MAF: variants seen among roughly 807,000 people sequenced by gnomAD.
MAF encodes the protein MAF bZIP transcription factor.
Under a neutral mutation model 22.0 loss-of-function variants are expected in MAF, and 10 were observed. The ratio of observed to expected loss-of-function variants is 0.45; its 90% CI spans 0.28 to 0.77. The LOEUF is 0.77. Among genes scored for constraint, MAF ranks in the 30% least tolerant of loss-of-function variants. The pLI is 0.12. For missense variants in MAF, 544 were observed against 548.4 expected (o/e 0.99, Z 0.08); for synonymous variants, 337 against 255.8 (o/e 1.32, Z -3.03).
chr16:79,213,484 A>G, the MAF span, among the ~76,000 whole-genome samples: 2 of 152,164 alleles, frequency 1.3e-5, no homozygotes, highest in East Asian at 3.9e-4. Context: ...CAGAATCTAC[A>G]CCTGGAGGGG....
At chr16:79,546,596 A>G in the MAF span, among the ~76,000 whole-genome samples, 594 of 152,314 alleles carry the variant, frequency 3.9e-3, 9 homozygotes, top group African/African-American at 0.013. Flanking sequence ...GGACAGATTA[A>G]CTCATTCTTT....
chr16:79,441,426 A>T, the MAF span, among the ~76,000 whole-genome samples: 2 of 152,228 alleles, frequency 1.3e-5, no homozygotes, highest in Non-Finnish European at 2.9e-5. Flanking sequence ...TGCAGACTGT[A>T]CACCTCCCAA....
the MAF span, among the ~76,000 whole-genome samples, chr16:79,411,437 G>A: frequency 6.6e-6 from 1 of 152,164 alleles, no homozygotes; most frequent in East Asian, 1.9e-4. Flanking sequence ...CAACCTCAGT[G>A]TCATTCAAAC....
the MAF span, among the ~76,000 whole-genome samples, chr16:79,512,631 G>A: frequency 2.6e-5 from 4 of 152,166 alleles, no homozygotes; most frequent in Non-Finnish European, 5.9e-5. Context: ...AGGAAGGTGA[G>A]GGTGTGCCGT....
At chr16:79,532,191 G>A in the MAF span, among the ~76,000 whole-genome samples, 1 of 152,168 alleles carries the variant, frequency 6.6e-6, no homozygotes, top group East Asian at 1.9e-4. Flanking sequence ...AGTAGTGCAT[G>A]GTTCTCCAAT....
chr16:79,576,878 C>A, the MAF span, among the ~76,000 whole-genome samples: 2 of 152,130 alleles, frequency 1.3e-5, no homozygotes, highest in African/African-American at 4.8e-5. Context: ...GATGCAGAAA[C>A]TTTGTATCCT....
At chr16:79,249,538 C>A in the MAF span, among the ~76,000 whole-genome samples, 2 of 152,088 alleles carry the variant, frequency 1.3e-5, no homozygotes, top group Non-Finnish European at 2.9e-5. Flanking sequence ...TCTGCTGCAA[C>A]CTGATTCCCA....
At chr16:79,413,495 A>G in the MAF span, among the ~76,000 whole-genome samples, 1 of 150,848 alleles carries the variant, frequency 6.6e-6, no homozygotes, top group Non-Finnish European at 1.5e-5. Flanking sequence ...GGCCTCCCAA[A>G]GTGCTGGGAT....
At chr16:79,477,078 G>GT in the MAF span, among the ~76,000 whole-genome samples, 1 of 152,132 alleles carries the variant, frequency 6.6e-6, no homozygotes, top group Non-Finnish European at 1.5e-5. Context: ...AACACTCCAG[G>GT]GCAAGAGGGG....
the MAF span, among the ~76,000 whole-genome samples, chr16:79,302,174 T>C: frequency 6.6e-6 from 1 of 152,180 alleles, no homozygotes; most frequent in Non-Finnish European, 1.5e-5. Context: ...ACGAGATGTG[T>C]TGGAAAGACC....
the MAF span, among the ~76,000 whole-genome samples, chr16:79,386,154 G>C: frequency 2.0e-5 from 3 of 152,262 alleles, no homozygotes; most frequent in Admixed American, 2.0e-4. Context: ...GGGTTGTTGA[G>C]GGCATAGTTT....
the MAF span, among the ~76,000 whole-genome samples, chr16:79,249,531 G>T: frequency 1.3e-5 from 2 of 151,912 alleles, no homozygotes; most frequent in Non-Finnish European, 2.9e-5. Flanking sequence ...CACCAAATCT[G>T]CTGCAACCTG....
the MAF span, among the ~76,000 whole-genome samples, chr16:79,437,523 G>A: frequency 6.6e-6 from 1 of 152,092 alleles, no homozygotes; most frequent in Non-Finnish European, 1.5e-5. Context: ...GGGAGACAAA[G>A]GTGGTTGAGG....
chr16:79,337,012 G>T, the MAF span, among the ~76,000 whole-genome samples: 1 of 152,100 alleles, frequency 6.6e-6, no homozygotes, highest in Non-Finnish European at 1.5e-5. Flanking sequence ...ATATCCAAAG[G>T]CATCAAATAA....
the MAF span, among the ~76,000 whole-genome samples, chr16:79,223,493 G>C: frequency 6.6e-6 from 1 of 152,084 alleles, no homozygotes; most frequent in Admixed American, 6.5e-5. Flanking sequence ...GTTAGCAAAA[G>C]ACAAGAAATA....
chr16:79,539,461 G>A, the MAF span, among the ~76,000 whole-genome samples: 2 of 152,056 alleles, frequency 1.3e-5, no homozygotes, highest in Admixed American at 1.3e-4. Context: ...CCGAGATCGC[G>A]CCACTGCACT....
the MAF span, among the ~76,000 whole-genome samples, chr16:79,473,878 A>G: frequency 6.6e-6 from 1 of 152,162 alleles, no homozygotes; most frequent in Admixed American, 6.5e-5. Context: ...ATGAGAAATC[A>G]TCAGTGTTGC....
the MAF span, among the ~76,000 whole-genome samples, chr16:79,432,108 A>T: frequency 1.3e-5 from 2 of 152,164 alleles, no homozygotes; most frequent in African/African-American, 4.8e-5. Context: ...GGTGGAGGTA[A>T]ATGGATCACA....
At chr16:79,503,585 T>C in the MAF span, among the ~76,000 whole-genome samples, 1 of 152,238 alleles carries the variant, frequency 6.6e-6, no homozygotes, top group Non-Finnish European at 1.5e-5. Context: ...GATTTCATTG[T>C]GGCTGGATTC....
Sources: gnomAD v4.1 joint callset for allele counts (sites outside exome capture counted in the v4.1 genomes callset) on GRCh38, gnomAD v4.1.1 for gene constraint, MANE v1.5 for transcripts, NCBI Gene and HGNC (gene_info 2026-07-23, HGNC 2026-07-21) for gene names.